MLPH: variants seen among roughly 807,000 people sequenced by gnomAD.
The protein encoded by MLPH is exophilin-3.
A neutral mutation model predicts 72.1 loss-of-function variants in MLPH; 51 were observed. The ratio of observed to expected loss-of-function variants is 0.71; its 90% CI spans 0.56 to 0.89. The LOEUF is 0.89. Ranked by LOEUF, MLPH falls within the 40% of genes least tolerant of loss-of-function variation. The pLI is 0.00. For missense variants in MLPH, 743 were observed against 759.9 expected, an observed-to-expected ratio of 0.98 and a Z score of 0.26; for synonymous variants, 301 against 310.1, an observed-to-expected ratio of 0.97 and a Z score of 0.31.
rs1277770269 is a variant in MLPH, at chr2:237,510,079, G to A, written c.111-495G>A. The stretch of plus-strand genomic sequence containing the variant: ...GGTCTAGGAGAACTGTAGACTTCCG[G>A]GTGCTAGATGATTCCTGCTCTGGAA... On this transcript the variant is annotated intron_variant, in intron 2 of 15. Transcript: ENST00000264605. This position sits in a 1 kb window ranked among gnomAD's most constrained non-coding sequence, Gnocchi z 4.4. 1 of 216,366 alleles carries A rather than the reference G, an allele frequency of 4.6e-6. No individual in the cohort carries two copies. The highest frequency in any genetic ancestry group is 9.3e-6 in the Non-Finnish European group (1 of 107,442). The allele number at this position is 216,366 out of a possible 1,614,324, so 13.4% of individuals were successfully genotyped here. A position where few individuals can be genotyped will look rare whatever the true frequency, so the allele number is the denominator to read the frequency against.
At chr2:237,511,399 A>C (rs2079901618) in intron 4 of MLPH, 8 of 390,056 alleles carry the variant, frequency 2.1e-5, no homozygotes, top group South Asian at 1.8e-4. Context: ...AGTGTGAGCC[A>C]CTGTGCCCTG....
intron 6 of MLPH, among the ~76,000 whole-genome samples, chr2:237,521,467 C>G (rs975549094): frequency 6.6e-6 from 1 of 152,114 alleles, no homozygotes; most frequent in Non-Finnish European, 1.5e-5. Context: ...GGACCCTGAA[C>G]CTATAAATAA....
chr2:237,506,642 C>T (rs947978677), intron 2 of MLPH, among the ~76,000 whole-genome samples: 4 of 152,184 alleles, frequency 2.6e-5, no homozygotes, highest in Non-Finnish European at 4.4e-5. Flanking sequence ...AATGCTTTTC[C>T]GTGCAATGTC....
chr2:237,516,941 ATAGG>A (rs751143618), intron 4 of MLPH, among the ~76,000 whole-genome samples: 3,521 of 118,480 alleles, frequency 0.03, 63 homozygotes, highest in African/African-American at 0.055. Context: ...GGATGGATGG[ATAGG>A]TGGATAGGTG....
rs147230126 is a variant in MLPH, at chr2:237,545,369, G to A, written c.1540-1237G>A. Reference sequence around the variant, plus strand: ...CCCACCTCCCTTCCCGTGAACATCCGGCCTGAGTTTCCTCATAGCCAGTTA... The same window carrying A: ...CCCACCTCCCTTCCCGTGAACATCCAGCCTGAGTTTCCTCATAGCCAGTTA... On this transcript the variant is annotated intron_variant, in intron 12 of 15. Coordinates refer to ENST00000264605, the MANE Select transcript of MLPH (RefSeq NM_024101.7). 6.0e-5 allele frequency: 65 copies of A among 1,092,254 alleles called. 1 individual carries two copies. Among genetic ancestry groups the A allele is most frequent in the African/African-American group, 5.4e-4 (33 of 60,954 alleles). The allele number at this position is 1,092,254 out of a possible 1,614,324, so 67.7% of individuals were successfully genotyped here.
rs997777456 is a variant in MLPH, at chr2:237,512,495, A to G, written c.445+1394A>G. Reference sequence around the variant, plus strand: ...ATTTTTAAGAGTAAAAGGAGGCTCTACTGATAACATGCTGCAACAACAGAT... The same window carrying G: ...ATTTTTAAGAGTAAAAGGAGGCTCTGCTGATAACATGCTGCAACAACAGAT... On this transcript the variant is annotated intron_variant, in intron 4 of 15. Transcript: ENST00000264605. The surrounding 1 kb of genome is among the most constrained non-coding windows in gnomAD (Gnocchi z 5.5). 6.6e-6 allele frequency among the ~76,000 whole-genome samples: 1 copy of G among 152,150 alleles called. No individual in the cohort carries two copies.
intron 12 of MLPH, among the ~76,000 whole-genome samples, chr2:237,542,921 T>TG (rs1298004847): frequency 9.6e-5 from 2 of 20,874 alleles, no homozygotes; most frequent in Non-Finnish European, 1.4e-4. Context: ...CAGTGGTGAG[T>TG]GGGGACAGTG....
intron 4 of MLPH, among the ~76,000 whole-genome samples, chr2:237,516,572 C>A (rs72988140): frequency 6.6e-6 from 1 of 152,236 alleles, no homozygotes; most frequent in East Asian, 1.9e-4. Context: ...GCCCAATAAG[C>A]ACAATCCTGC....
intron 10 of MLPH, 56 bp downstream of exon 10, chr2:237,540,589 G>C (rs112916936): frequency 1.3e-6 from 2 of 1,568,170 alleles, no homozygotes; most frequent in African/African-American, 1.4e-5. Context: ...GGGCAGGGAT[G>C]GACAGTCCCA....
intron 8 of MLPH, among the ~76,000 whole-genome samples, chr2:237,531,027 G>T (rs1321059725): frequency 2.0e-5 from 3 of 152,238 alleles, no homozygotes; most frequent in Non-Finnish European, 4.4e-5. Context: ...CAGGGAAGCT[G>T]CAGGGAGGGT....
In MLPH at chr2:237,545,364, C is replaced by T. The variant is rs1053982174; in HGVS notation, c.1540-1242C>T. 6.6e-6 allele frequency: 7 copies of T among 1,058,266 alleles called. No homozygotes were observed. The Admixed American group carries it at 1.3e-4, about 20-fold the overall frequency. The allele number at this position is 1,058,266 out of a possible 1,614,324, so 65.6% of individuals were successfully genotyped here. ...GGCCCCCCACCTCCCTTCCCGTGAA[C>T]ATCCGGCCTGAGTTTCCTCATAGCC... On this transcript the variant is annotated intron_variant, in intron 12 of 15. Transcript: ENST00000264605.
intron 2 of MLPH, chr2:237,507,452 T>C (rs540819882): frequency 5.3e-5 from 8 of 152,354 alleles, no homozygotes; most frequent in South Asian, 4.1e-4. Context: ...TTCAAATCCA[T>C]TGGTCTCTCT....
intron 2 of MLPH, among the ~76,000 whole-genome samples, chr2:237,508,180 C>T (rs990037065): frequency 2.6e-5 from 4 of 152,142 alleles, no homozygotes; most frequent in African/African-American, 9.7e-5. Context: ...GACACAATCT[C>T]GGCTCACTGC....
At chr2:237,549,365 TTCATTA>T in intron 14 of MLPH, 87 bp downstream of exon 14, 1 of 1,228,494 alleles carries the variant, frequency 8.1e-7, no homozygotes, top group Non-Finnish European at 1.2e-6. Context: ...TGTGTGTTTC[TTCATTA>T]TCTGTGGGAC....
chr2:237,513,468 A>G (rs1474765849), intron 4 of MLPH, among the ~76,000 whole-genome samples: 1 of 152,118 alleles, frequency 6.6e-6, no homozygotes, highest in Non-Finnish European at 1.5e-5. Context: ...CTTTATGCTC[A>G]TGTGGTTTTA....
rs534557007 is a variant in MLPH at position 237,527,364 on chromosome 2, T to C, written c.881-13T>C. ...TTCACTGCAAGTAATTCAAACCCAC[T>C]CTCGCTCTGAAGGGTCGAATGTCAT... On this transcript the variant is annotated splice_polypyrimidine_tract_variant and intron_variant, in intron 7 of 15. Transcript: ENST00000264605. 1 of 1,614,148 alleles carries C rather than the reference T, an allele frequency of 6.2e-7. No homozygotes were observed. The highest frequency in any genetic ancestry group is 1.1e-5 in the South Asian group (1 of 91,074).
chr2:237,538,809 G>A (rs1018726566), intron 9 of MLPH, among the ~76,000 whole-genome samples: 2 of 152,254 alleles, frequency 1.3e-5, no homozygotes, highest in Admixed American at 6.5e-5. Flanking sequence ...TGGAACACAG[G>A]TCAGGAGGTG....
chr2:237,510,664 C>T lies in MLPH; in HGVS notation c.201C>T (p.Cys67=), dbSNP rs2079873540. ...TGAACGAGACCCACTGCGCCCGCTG[C>T]CTGCAGCCCTACCAGCTGCTTGTGA... ...AHLNETHCAR[C]LQPYQLLVNS... is the part of the protein sequence containing the mutation. The change falls in exon 3 of 16, where the codon TGC becomes TGT. Residue 67 remains cysteine (C), a synonymous_variant. Coordinates refer to ENST00000264605, the MANE Select transcript of MLPH (RefSeq NM_024101.7). This position sits in a 1 kb window ranked among gnomAD's most constrained non-coding sequence, Gnocchi z 4.4. The T allele has an allele frequency of 6.2e-7, 1 of 1,613,706 alleles. No homozygotes were observed. The highest frequency in any genetic ancestry group is 1.1e-5 in the South Asian group (1 of 91,092).
intron 1 of MLPH, among the ~76,000 whole-genome samples, chr2:237,492,858 C>T (rs2106453194): frequency 6.6e-6 from 1 of 152,314 alleles, no homozygotes; most frequent in South Asian, 2.1e-4. Context: ...CCAACTTTTC[C>T]ACCTAGTGGG....
Sources: gnomAD v4.1 joint callset for allele counts (sites outside exome capture counted in the v4.1 genomes callset) on GRCh38, gnomAD v4.1.1 for gene constraint, Gnocchi (gnomAD v3.1) non-coding constraint, MANE v1.5 for transcripts, NCBI Gene and HGNC (gene_info 2026-07-23, HGNC 2026-07-21) for gene names.